Variants in MMP2 observed in about 807,000 individuals in gnomAD.
MMP2 encodes the protein matrix metallopeptidase 2.
Under a neutral mutation model 74.8 loss-of-function variants are expected in MMP2, and 39 were observed. The observed-to-expected ratio is 0.52, with a 90% CI of 0.40 to 0.68. MMP2 has a LOEUF of 0.68. Among genes scored for constraint, MMP2 ranks in the 30% least tolerant of loss-of-function variants. The pLI, the probability that MMP2 is intolerant of heterozygous loss-of-function variation, is 0.00. For missense variants in MMP2, 803 were observed against 878.3 expected (o/e 0.91, Z 1.08); for synonymous variants, 367 against 339.8 (o/e 1.08, Z -0.88).
At position 55,484,007 on chromosome 16, in the gene MMP2, C is replaced by T. The variant is rs1962174210; in HGVS notation, c.381-9C>T. 6.8e-6 allele frequency: 11 copies of T among 1,613,958 alleles called. No homozygotes were observed. Among genetic ancestry groups the T allele is most frequent in the Middle Eastern group, 1.6e-4 (1 of 6,084 alleles). ...CATACACACTCACATGCAGTTCTACCACCTCCAGGATCATTGGCTACACAC... is the reference window on the plus strand; with the variant it reads ...CATACACACTCACATGCAGTTCTACTACCTCCAGGATCATTGGCTACACAC... On this transcript the variant is annotated splice_polypyrimidine_tract_variant and intron_variant, in intron 2 of 12. Transcript: ENST00000219070.
chr16:55,479,691 TG>T, intron 1 of MMP2, 59 bp downstream of exon 1: 1 of 1,608,226 alleles, frequency 6.2e-7, no homozygotes, highest in Non-Finnish European at 8.5e-7. Flanking sequence ...AGGCAAAGGA[TG>T]GGGGTGTCTC....
chr16:55,491,906 AG>A lies in MMP2; in HGVS notation c.1287del (p.Asn430ThrfsTer68), dbSNP rs794727916. 3.1e-6 allele frequency: 5 copies of A among 1,612,432 alleles called. No homozygotes were observed. In the South Asian group the frequency reaches 5.5e-5, roughly 18 times the overall value. ...ALMAPIYTYT[K>X]NFRLSQDDIK... Reference sequence around the variant, plus strand: ...ATGGCACCCATTTACACCTACACCAAGAACTTCCGTCTGTCCCAGGATGACA... The same window carrying A: ...ATGGCACCCATTTACACCTACACCAAAACTTCCGTCTGTCCCAGGATGACA... On this transcript the variant is annotated frameshift_variant, in exon 8 of 13. Coordinates refer to ENST00000219070, the MANE Select transcript of MMP2 (RefSeq NM_004530.6). LOFTEE classifies it high-confidence loss of function.
intron 10 of MMP2, 38 bp downstream of exon 10, chr16:55,497,100 C>T: frequency 6.2e-7 from 1 of 1,613,244 alleles, no homozygotes; most frequent in Non-Finnish European, 8.5e-7. Context: ...CTCAGCTCCA[C>T]AGGGCTCTGC....
intron 3 of MMP2, 60 bp downstream of exon 3, chr16:55,484,224 G>A: frequency 6.3e-7 from 1 of 1,578,976 alleles, no homozygotes; most frequent in Non-Finnish European, 8.6e-7. Context: ...ACGAGGGGGT[G>A]AGATGGACAT....
At position 55,484,074 on chromosome 16, in the gene MMP2, G is replaced by T; in HGVS notation, c.439G>T (p.Ala147Ser). Residue 147 changes from alanine to serine, a missense_variant, in exon 3 of 13, where the codon GCC (alanine) becomes TCC (serine). Ala to Ser is a moderately conservative substitution (Grantham distance 99). This residue lies in a region of MMP2 where 223 missense variants were observed against 232.8 expected (regional missense o/e 0.96). Transcript: ENST00000219070. The part of the protein sequence containing the change: ...PETVDDAFAR[A>S]FQVWSDVTPL... The stretch of plus-strand genomic sequence containing the variant: ...GACAGTGGATGATGCCTTTGCTCGT[G>T]CCTTCCAAGTCTGGAGCGATGTGAC... 6.2e-7 allele frequency: 1 copy of T among 1,614,154 alleles called. No homozygotes were observed. The highest frequency in any genetic ancestry group is 2.2e-5 in the East Asian group (1 of 44,880).
intron 3 of MMP2, 115 bp downstream of exon 3, chr16:55,484,279 G>GA (rs1962184894): frequency 5.6e-6 from 7 of 1,256,918 alleles, no homozygotes; most frequent in African/African-American, 1.5e-5. Context: ...TAGGACAGTA[G>GA]ATGGTGTGGG....
chr16:55,491,005 G>A (rs575901684), intron 7 of MMP2, among the ~76,000 whole-genome samples: 3 of 151,920 alleles, frequency 2.0e-5, no homozygotes, highest in South Asian at 2.1e-4. Context: ...TGAAGGATGC[G>A]TCACTCCAGT....
In MMP2 at chr16:55,505,333, TC is replaced by T. The variant is rs1281387867; in HGVS notation, c.1880-3del. 1 of 1,612,204 alleles carries T rather than the reference TC, an allele frequency of 6.2e-7. No individual in the cohort carries two copies. The highest frequency in any genetic ancestry group is 1.1e-5 in the South Asian group (1 of 91,042). On this transcript the variant is annotated splice_region_variant and splice_polypyrimidine_tract_variant and intron_variant, in intron 12 of 12. Transcript: ENST00000219070. ...GGGGTCACGGTCTCTTCTTTCTCTA[TC>T]CCAGGTCACAGCTACTTCTTCAAGG...
intron 5 of MMP2, chr16:55,487,963 G>C (rs555403255): frequency 1.9e-5 from 3 of 158,350 alleles, no homozygotes; most frequent in Admixed American, 1.9e-4. Flanking sequence ...CAAGCTTTCT[G>C]TGTATGCGTG....
intron 8 of MMP2, 45 bp downstream of exon 8, chr16:55,492,001 G>GGGC (rs113165484): frequency 8.8e-6 from 10 of 1,138,288 alleles, no homozygotes; most frequent in Non-Finnish European, 1.3e-5. Flanking sequence ...GAGGAGGGGG[G>GGGC]AGGTCATGTA....
intron 3 of MMP2, among the ~76,000 whole-genome samples, chr16:55,484,390 C>T (rs1258724384): frequency 6.6e-6 from 1 of 152,098 alleles, no homozygotes; most frequent in Non-Finnish European, 1.5e-5. Context: ...AACCTGGAGG[C>T]CGTCTAAACC....
intron 12 of MMP2, among the ~76,000 whole-genome samples, chr16:55,504,157 CA>C (rs57244341): frequency 0.014 from 2,072 of 149,762 alleles, 39 homozygotes; most frequent in African/African-American, 0.037. Context: ...GACCTGGTCT[CA>C]AAAAAAAAGA....
chr16:55,486,353 G>GTGCC (rs1962257690), intron 5 of MMP2, among the ~76,000 whole-genome samples: 6 of 65,694 alleles, frequency 9.1e-5, no homozygotes, highest in African/African-American at 2.8e-4. Context: ...GTGCCTGTGT[G>GTGCC]TGTGTGTGTG....
rs536674099 is a variant in MMP2 at position 55,484,540 on chromosome 16, A to G, written c.529+376A>G. 3.9e-5 allele frequency among the ~76,000 whole-genome samples: 6 copies of G among 152,372 alleles called. No individual in the cohort carries two copies. In the East Asian group the frequency reaches 1.2e-3, roughly 29 times the overall value. ...CACATTTTAAGTGCTCAAAAGACACAGGAGGCTAGTGACTATTGATTTTGG... is the reference window on the plus strand; with the variant it reads ...CACATTTTAAGTGCTCAAAAGACACGGGAGGCTAGTGACTATTGATTTTGG... On this transcript the variant is annotated intron_variant, in intron 3 of 12. Transcript: ENST00000219070.
chr16:55,480,598 G>C (rs750452566), intron 1 of MMP2: 5 of 152,460 alleles, frequency 3.3e-5, no homozygotes, highest in African/African-American at 4.8e-5. Context: ...GCAGTGTTGC[G>C]TAAGTAGGGC....
At position 55,491,899 on chromosome 16, in the gene MMP2, T is replaced by A; in HGVS notation, c.1279T>A (p.Tyr427Asn). The A allele has an allele frequency of 6.2e-7, 1 of 1,600,780 alleles. No individual in the cohort carries two copies. The highest frequency in any genetic ancestry group is 8.5e-7 in the Non-Finnish European group (1 of 1,172,778). Residue 427 changes from tyrosine (Y) to asparagine (N), a missense_variant, in exon 8 of 13, where the codon TAC (tyrosine) becomes AAC (asparagine). Tyr to Asn is a moderately radical substitution (Grantham distance 143). Around this residue, in one of 3 missense-constraint regions of MMP2, gnomAD observed 555 missense variants for 592.0 expected, o/e 0.94. Transcript: ENST00000219070. ...GGCCCTGATGGCACCCATTTACACCTACACCAAGAACTTCCGTCTGTCCCA... is the reference window on the plus strand; with the variant it reads ...GGCCCTGATGGCACCCATTTACACCAACACCAAGAACTTCCGTCTGTCCCA... ...PGALMAPIYT[Y>N]TKNFRLSQDD...
rs55926431 is a variant in MMP2 at position 55,505,574 on chromosome 16, T to A, written c.*132T>A. On this transcript the variant is annotated 3_prime_UTR_variant, in exon 13 of 13. Transcript: ENST00000219070. ...TACAGCTAATCAGCATTCTCACTCC[T>A]ACCTGGTAATTTAAGATTCCAGAGA... The A allele has an allele frequency of 9.0e-4, 682 of 753,968 alleles. 1 individual carries two copies. The highest frequency in any genetic ancestry group is 1.4e-3 in the Non-Finnish European group (577 of 425,156). 46.7% of individuals were successfully genotyped at this position (753,968 alleles called of 1,614,324 possible).
At chr16:55,488,943 A>G (rs2142354273) in intron 6 of MMP2, among the ~76,000 whole-genome samples, 1 of 152,252 alleles carries the variant, frequency 6.6e-6, no homozygotes, top group Non-Finnish European at 1.5e-5. Flanking sequence ...CAACAGTTGA[A>G]TTGGTGACAC....
rs886052125 is a variant in MMP2, at chr16:55,485,357, C to T, written c.588C>T (p.Ala196=). The T allele has an allele frequency of 1.2e-6, 2 of 1,614,102 alleles. No individual in the cohort carries two copies. Among genetic ancestry groups the T allele is most frequent in the East Asian group, 2.2e-5 (1 of 44,860 alleles). Residue 196 remains alanine (A), a synonymous_variant, in exon 4 of 13, where the codon GCC becomes GCT. Transcript: ENST00000219070. The stretch of plus-strand genomic sequence containing the variant: ...ACGGACTCCTGGCTCATGCCTTCGC[C>T]CCAGGCACTGGTGTTGGGGGAGACT... ...GKDGLLAHAF[A]PGTGVGGDSH... is the part of the protein sequence containing the mutation.
Sources: gnomAD v4.1 joint callset for allele counts (sites outside exome capture counted in the v4.1 genomes callset) on GRCh38, gnomAD v4.1.1 for gene constraint, gnomAD v4.1.1 regional missense constraint, MANE v1.5 for transcripts, NCBI Gene and HGNC (gene_info 2026-07-23, HGNC 2026-07-21) for gene names.